CFAP61: variants seen among roughly 807,000 people sequenced by gnomAD.
The protein encoded by CFAP61 is cilia- and flagella-associated protein 61.
Under a neutral mutation model 135.6 loss-of-function variants are expected in CFAP61, and 107 were observed. The observed-to-expected ratio is 0.79, with a 90% CI of 0.67 to 0.93. The LOEUF (loss-of-function observed/expected upper bound fraction) is 0.93. CFAP61 is among the 40% of genes least tolerant of loss of function. The probability of loss-of-function intolerance (pLI) is 0.00; values close to 1 mark genes in which losing one functional copy is unlikely to be tolerated. For synonymous variants in CFAP61, 575 were observed against 578.5 expected (o/e 0.99, Z 0.09); for missense variants, 1,507 against 1,556.2 (o/e 0.97, Z 0.53).
intron 25 of CFAP61, among the ~76,000 whole-genome samples, chr20:20,320,123 A>T (rs1416224458): frequency 6.6e-6 from 1 of 151,288 alleles, no homozygotes; most frequent in Admixed American, 6.6e-5. Flanking sequence ...AAGAAATAAA[A>T]CTTGCAATGG....
intron 19 of CFAP61, among the ~76,000 whole-genome samples, chr20:20,249,770 CCT>C (rs2050742525): frequency 6.6e-6 from 1 of 152,304 alleles, no homozygotes; most frequent in South Asian, 2.1e-4. Flanking sequence ...ACAAATTTCC[CCT>C]GAGAGCCTTT....
At chr20:20,054,021 T>TTGTTTTTG (rs776918983) in intron 1 of CFAP61, among the ~76,000 whole-genome samples, 18,384 of 146,678 alleles carry the variant, frequency 0.13, 1,256 homozygotes, top group East Asian at 0.21. Flanking sequence ...TTGTTTTTTT[T>TTGTTTTTG]TTTTTTTTTT....
rs1457499333 is a variant in CFAP61 at position 20,056,728 on chromosome 20, T to C, written c.75T>C (p.Tyr25=). The change falls in exon 2 of 27, where the codon TAT becomes TAC. Residue 25 remains tyrosine, a synonymous_variant. Transcript: ENST00000245957. ...HCRRTESQDV[Y]CIKSLIRKFT... Reference sequence around the variant, plus strand: ...GAAGAACAGAATCACAGGATGTTTATTGTATCAAAAGCCTTATTAGAAAAT... The same window carrying C: ...GAAGAACAGAATCACAGGATGTTTACTGTATCAAAAGCCTTATTAGAAAAT... The C allele has an allele frequency of 1.9e-6, 3 of 1,613,998 alleles. No individual in the cohort carries two copies. In the African/African-American group the frequency reaches 4.0e-5, roughly 22 times the overall value.
intron 24 of CFAP61, among the ~76,000 whole-genome samples, chr20:20,296,354 T>TC (rs1222915521): frequency 1.5e-4 from 18 of 116,666 alleles, no homozygotes; most frequent in Non-Finnish European, 2.7e-4. Flanking sequence ...CTTCCTTCCT[T>TC]CTTTCCTTTC....
chr20:20,099,075 A>G (rs980206689), intron 8 of CFAP61, among the ~76,000 whole-genome samples: 2 of 151,966 alleles, frequency 1.3e-5, no homozygotes, highest in East Asian at 1.9e-4. Flanking sequence ...TTGAATGTTC[A>G]TTGCTAGAGT....
intron 17 of CFAP61, among the ~76,000 whole-genome samples, chr20:20,200,225 G>A (rs1218385909): frequency 6.6e-6 from 1 of 152,216 alleles, no homozygotes; most frequent in Admixed American, 6.5e-5. Flanking sequence ...GTCCTCAAAA[G>A]CAGATTCCCC....
chr20:20,249,844 A>G (rs1369610119), intron 19 of CFAP61, among the ~76,000 whole-genome samples: 1 of 152,174 alleles, frequency 6.6e-6, no homozygotes, highest in Non-Finnish European at 1.5e-5. Flanking sequence ...ACTTTTCCTC[A>G]TCGTGGATGG....
At chr20:20,154,897 C>T (rs749702067) in intron 9 of CFAP61, among the ~76,000 whole-genome samples, 1 of 152,114 alleles carries the variant, frequency 6.6e-6, no homozygotes, top group Non-Finnish European at 1.5e-5. Context: ...ATACCATCAT[C>T]ATTCTTCACA....
At chr20:20,275,766 G>T (rs545666001) in intron 21 of CFAP61, among the ~76,000 whole-genome samples, 1 of 152,164 alleles carries the variant, frequency 6.6e-6, no homozygotes, top group Non-Finnish European at 1.5e-5. Context: ...TATAGTTTTC[G>T]GTTCAAGTTT....
At chr20:20,150,964 G>T (rs992980089) in intron 9 of CFAP61, among the ~76,000 whole-genome samples, 1 of 152,092 alleles carries the variant, frequency 6.6e-6, no homozygotes, top group South Asian at 2.1e-4. Flanking sequence ...GAAGGAACCA[G>T]AAAAGAAATT....
At chr20:20,311,471 G>T (rs1264497243) in intron 25 of CFAP61, among the ~76,000 whole-genome samples, 1 of 152,208 alleles carries the variant, frequency 6.6e-6, no homozygotes, top group East Asian at 1.9e-4. Flanking sequence ...CAAAGAAGGT[G>T]AACCCTGTGG....
chr20:20,165,707 C>A (rs2064447), intron 11 of CFAP61, among the ~76,000 whole-genome samples: 2 of 152,040 alleles, frequency 1.3e-5, no homozygotes, highest in Admixed American at 1.3e-4. Flanking sequence ...TTTAGATGAG[C>A]AAGAATAGCT....
chr20:20,142,498 T>C (rs1476378242), intron 8 of CFAP61, among the ~76,000 whole-genome samples: 1 of 152,198 alleles, frequency 6.6e-6, no homozygotes, highest in African/African-American at 2.4e-5. Context: ...CAAAAGGGGC[T>C]GCTATGAAAG....
intron 17 of CFAP61, among the ~76,000 whole-genome samples, chr20:20,222,415 C>A (rs2048463795): frequency 6.6e-6 from 1 of 152,096 alleles, no homozygotes; most frequent in South Asian, 2.1e-4. Flanking sequence ...TATGCTCTAT[C>A]CAGTGTTAAG....
chr20:20,166,053 G>A (rs1380393021), intron 11 of CFAP61, among the ~76,000 whole-genome samples: 3 of 152,192 alleles, frequency 2.0e-5, no homozygotes, highest in Non-Finnish European at 4.4e-5. Flanking sequence ...AGATAAAAGG[G>A]AAACAGATCA....
chr20:20,134,575 C>T (rs1349635244), intron 8 of CFAP61, among the ~76,000 whole-genome samples: 3 of 152,120 alleles, frequency 2.0e-5, no homozygotes, highest in South Asian at 2.1e-4. Flanking sequence ...GCCACTATGG[C>T]GTCCAGGAAG....
At position 20,263,039 on chromosome 20, in the gene CFAP61, G is replaced by A; in HGVS notation, c.2412G>A (p.Gly804=). The change falls in exon 21 of 27, where the codon GGG becomes GGA. Residue 804 remains glycine, a synonymous_variant. Transcript: ENST00000245957. ...ACAGCAGTCAGCGGCGGTACACGGGGAAAGTTCCTTGCAACCATTTCACTC... is the reference window on the plus strand; with the variant it reads ...ACAGCAGTCAGCGGCGGTACACGGGAAAAGTTCCTTGCAACCATTTCACTC... ...VPNSSQRRYT[G]KVPCNHFTLN... 1 of 1,614,048 alleles carries A rather than the reference G, an allele frequency of 6.2e-7. No homozygotes were observed. Among genetic ancestry groups the A allele is most frequent in the Non-Finnish European group, 8.5e-7 (1 of 1,179,952 alleles).
chr20:20,353,780 A>C (rs2058940490), intron 26 of CFAP61, among the ~76,000 whole-genome samples: 1 of 152,244 alleles, frequency 6.6e-6, no homozygotes, highest in Non-Finnish European at 1.5e-5. Context: ...TTAAAACCAC[A>C]GTGAGCTACC....
Position 20,251,032 on chromosome 20 carries a change from C to G in CFAP61, c.2160-563C>G, listed in dbSNP as rs183159067. On this transcript the variant is annotated intron_variant, in intron 19 of 26. Coordinates refer to ENST00000245957, the MANE Select transcript of CFAP61 (RefSeq NM_015585.4). ...AGTGTACTTGCTGCGAACCTAACTC[C>G]CTAATTGCTATATTCTTGAAGTAAA... Among the ~76,000 whole-genome samples, 316 of 152,328 alleles carry G rather than the reference C, an allele frequency of 2.1e-3. 2 individuals carry two copies. Among genetic ancestry groups the G allele is most frequent in the Non-Finnish European group, 3.4e-3 (232 of 68,026 alleles).
Sources: allele counts gnomAD v4.1 joint callset (sites outside exome capture counted in the v4.1 genomes callset), GRCh38; gene constraint gnomAD v4.1.1; transcripts MANE v1.5; gene names NCBI Gene and HGNC (gene_info 2026-07-23, HGNC 2026-07-21).